Variants in SESN3 observed in about 807,000 individuals in gnomAD.
SESN3 encodes sestrin 3.
In SESN3, 21 loss-of-function variants were observed where a neutral mutation model predicts 55.3. The ratio of observed to expected loss-of-function variants is 0.38; its 90% CI spans 0.27 to 0.55. The LOEUF is 0.55. Among genes scored for constraint, SESN3 ranks in the 20% least tolerant of loss-of-function variants. The pLI, the probability that SESN3 is intolerant of heterozygous loss-of-function variation, is 0.76. For missense variants in SESN3, 408 were observed against 604.3 expected (o/e 0.68, Z 3.41); for synonymous variants, 181 against 203.1 (o/e 0.89, Z 0.93).
chr11:95,214,578 G>A (rs1860717897), intron 1 of SESN3, among the ~76,000 whole-genome samples: 1 of 151,934 alleles, frequency 6.6e-6, no homozygotes, highest in Admixed American at 6.6e-5. Context: ...TAATTGAAGA[G>A]TAAGCTACTA....
intron 1 of SESN3, among the ~76,000 whole-genome samples, chr11:95,223,814 C>T (rs1180781984): frequency 6.6e-6 from 1 of 151,960 alleles, no homozygotes; most frequent in Admixed American, 6.5e-5. Context: ...TGTCTTGGTC[C>T]TGGAACCCCT....
intron 1 of SESN3, among the ~76,000 whole-genome samples, chr11:95,206,336 G>C (rs1209571881): frequency 6.8e-6 from 1 of 146,792 alleles, no homozygotes. Context: ...AATGTTTTTT[G>C]GCATCCTGGA....
chr11:95,186,104 T>C (rs1483957519), intron 4 of SESN3, among the ~76,000 whole-genome samples: 1 of 151,924 alleles, frequency 6.6e-6, no homozygotes, highest in Non-Finnish European at 1.5e-5. Flanking sequence ...TCCTCCACTT[T>C]GTCCAAGAGT....
intron 9 of SESN3, among the ~76,000 whole-genome samples, chr11:95,175,226 T>C (rs1296552704): frequency 6.6e-6 from 1 of 152,144 alleles, no homozygotes; most frequent in African/African-American, 2.4e-5. Flanking sequence ...TAGCCAGGCG[T>C]GGTGGCAGGC....
rs1861037753 is a variant in SESN3 at position 95,230,593 on chromosome 11, C to A, written c.78+190G>T. On this transcript the variant is annotated intron_variant, in intron 1 of 9. Coordinates refer to ENST00000536441, the MANE Select transcript of SESN3 (RefSeq NM_144665.4). The surrounding 1 kb of genome is among the most constrained non-coding windows in gnomAD (Gnocchi z 4.6). ...CCCTCCAGACTTGGGTCTGTCCCGGCGGAAATAAAAAGCCGCAGTAGTCCA... is the reference window on the plus strand; with the variant it reads ...CCCTCCAGACTTGGGTCTGTCCCGGAGGAAATAAAAAGCCGCAGTAGTCCA... 3.6e-6 allele frequency: 2 copies of A among 549,580 alleles called. No homozygotes were observed. Among genetic ancestry groups the A allele is most frequent in the African/African-American group, 2.0e-5 (1 of 49,324 alleles). The allele number at this position is 549,580 out of a possible 1,614,324, so 34.0% of individuals were successfully genotyped here. A position where few individuals can be genotyped will look rare whatever the true frequency, so the allele number is the denominator to read the frequency against.
intron 1 of SESN3, among the ~76,000 whole-genome samples, chr11:95,223,326 C>A (rs962985355): frequency 4.6e-5 from 7 of 152,290 alleles, no homozygotes; most frequent in African/African-American, 1.4e-4. Context: ...CTGCTTCCCC[C>A]ACACTTCTCA....
chr11:95,218,282 C>T (rs1346452531), intron 1 of SESN3, among the ~76,000 whole-genome samples: 1 of 152,206 alleles, frequency 6.6e-6, no homozygotes, highest in East Asian at 1.9e-4. Context: ...CCAAATCCTA[C>T]TCTTGACTGT....
At chr11:95,212,821 T>C (rs1057325249) in intron 1 of SESN3, among the ~76,000 whole-genome samples, 1 of 152,194 alleles carries the variant, frequency 6.6e-6, no homozygotes, top group Non-Finnish European at 1.5e-5. Context: ...ATTCCCTTGG[T>C]GATTTACCCA....
rs1243758310 is a variant in SESN3, at chr11:95,171,728, C to A, written c.*1527G>T. 3 of 152,104 alleles carry A rather than the reference C, an allele frequency of 2.0e-5. No homozygotes were observed. The highest frequency in any genetic ancestry group is 4.4e-5 in the Non-Finnish European group (3 of 67,990). 9.4% of individuals were successfully genotyped at this position (152,104 alleles called of 1,614,324 possible). On this transcript the variant is annotated 3_prime_UTR_variant, in exon 10 of 10. Coordinates refer to ENST00000536441, the MANE Select transcript of SESN3 (RefSeq NM_144665.4). ...GCATGTATGTGTACAATTCAAGTCA[C>A]CCTTAACTAACCAAAAAGTGTTTAA...
At chr11:95,196,399 T>C (rs2134239863) in intron 1 of SESN3, among the ~76,000 whole-genome samples, 1 of 152,320 alleles carries the variant, frequency 6.6e-6, no homozygotes, top group South Asian at 2.1e-4. Context: ...CTGCATGCTT[T>C]TAAAGTCAGT....
At position 95,173,122 on chromosome 11, in the gene SESN3, A is replaced by AAAC. The variant is rs373651256; in HGVS notation, c.*132_*133insGTT. On this transcript the variant is annotated 3_prime_UTR_variant, in exon 10 of 10. Coordinates refer to ENST00000536441, the MANE Select transcript of SESN3 (RefSeq NM_144665.4). ...GCACATTACAGCCGCAAAAAACAAA[A>AAAC]AAAAAAAAACAAACGGCTAAACTTT... 44 of 519,108 alleles carry AAAC rather than the reference A, an allele frequency of 8.5e-5. No individual in the cohort carries two copies. The highest frequency in any genetic ancestry group is 6.4e-4 in the East Asian group (23 of 35,730). The allele number at this position is 519,108 out of a possible 1,614,324, so 32.2% of individuals were successfully genotyped here.
At chr11:95,175,026 ACATC>A (rs1344035634) in intron 9 of SESN3, among the ~76,000 whole-genome samples, 2 of 152,190 alleles carry the variant, frequency 1.3e-5, no homozygotes, top group African/African-American at 2.4e-5. Context: ...CCCAGAAGGC[ACATC>A]CATTTCGAGA....
chr11:95,178,655 T>G, intron 7 of SESN3, 55 bp downstream of exon 7: 1 of 1,080,886 alleles, frequency 9.3e-7, no homozygotes, highest in South Asian at 1.3e-5. Context: ...TTTAAACACT[T>G]AACAGTTAAA....
At chr11:95,216,110 G>GAAA (rs71036381) in intron 1 of SESN3, among the ~76,000 whole-genome samples, 1 of 122,208 alleles carries the variant, frequency 8.2e-6, no homozygotes, top group Non-Finnish European at 1.7e-5. Flanking sequence ...AAAAAAAAAA[G>GAAA]AAAAAAAAAA....
chr11:95,177,395 A>T (rs1326096495), intron 8 of SESN3, among the ~76,000 whole-genome samples: 4 of 152,174 alleles, frequency 2.6e-5, no homozygotes, highest in African/African-American at 9.7e-5. Context: ...ATCTAAAGGG[A>T]CACTACACCT....
chr11:95,191,553 C>T lies in SESN3; in HGVS notation c.193G>A (p.Glu65Lys). ...VDERTNFLVE[E>K]YSTSGRLDNI... ...TCCAGACGACCGGATGTAGAGTATT[C>T]TTCCACAAGAAAGTTAGTACGTTCA... The change falls in exon 3 of 10, where the codon GAA becomes AAA. Residue 65 changes from glutamate to lysine, a missense_variant. Physicochemically the swap from Glu to Lys is moderately conservative, Grantham distance 56. Transcript: ENST00000536441. 1 of 1,612,860 alleles carries T rather than the reference C, an allele frequency of 6.2e-7. No individual in the cohort carries two copies. The highest frequency in any genetic ancestry group is 2.2e-5 in the East Asian group (1 of 44,852).
chr11:95,231,222 C>T (rs1259319519), upstream of SESN3: 2 of 405,772 alleles, frequency 4.9e-6, no homozygotes, highest in Non-Finnish European at 4.3e-6. Flanking sequence ...TCCGCCGCCC[C>T]ACCACCTTCA....
At chr11:95,228,423 A>G (rs1860988243) in intron 1 of SESN3, among the ~76,000 whole-genome samples, 1 of 152,220 alleles carries the variant, frequency 6.6e-6, no homozygotes, top group Non-Finnish European at 1.5e-5. Context: ...TCAAAATACT[A>G]TGACTCACTT....
At chr11:95,189,450 A>G (rs1471938857) in intron 4 of SESN3, among the ~76,000 whole-genome samples, 1 of 151,972 alleles carries the variant, frequency 6.6e-6, no homozygotes, top group African/African-American at 2.4e-5. Context: ...AGCCCATAGA[A>G]GTTAATTTAC....
Sources: allele counts gnomAD v4.1 joint callset (sites outside exome capture counted in the v4.1 genomes callset), GRCh38; gene constraint gnomAD v4.1.1; non-coding constraint Gnocchi (gnomAD v3.1); transcripts MANE v1.5; gene names NCBI Gene and HGNC (gene_info 2026-07-23, HGNC 2026-07-21).